EFCAB6: variants seen among roughly 807,000 people sequenced by gnomAD.
EFCAB6 encodes EF-hand calcium-binding domain-containing protein 6.
A neutral mutation model predicts 169.8 loss-of-function variants in EFCAB6; 156 were observed. That is an observed-to-expected ratio of 0.92 (90% confidence interval 0.81 to 1.05). The LOEUF (loss-of-function observed/expected upper bound fraction) is 1.05, where lower values mean the gene tolerates loss of function less well. EFCAB6 is among the 50% of genes least tolerant of loss of function. The probability of loss-of-function intolerance (pLI) is 0.00; values close to 1 mark genes in which losing one functional copy is unlikely to be tolerated. For missense variants in EFCAB6, 1,800 were observed against 1,829.1 expected, an observed-to-expected ratio of 0.98 and a Z score of 0.29; for synonymous variants, 698 against 676.4, an observed-to-expected ratio of 1.03 and a Z score of -0.50.
At chr22:43,620,847 A>G (rs2054067708) in intron 20 of EFCAB6, among the ~76,000 whole-genome samples, 1 of 152,206 alleles carries the variant, frequency 6.6e-6, no homozygotes, top group African/African-American at 2.4e-5. Flanking sequence ...TGAAGAATAT[A>G]GAAGGCCTGA....
chr22:43,538,474 C>T (rs537537809), intron 28 of EFCAB6, among the ~76,000 whole-genome samples: 15 of 152,256 alleles, frequency 9.9e-5, no homozygotes, highest in African/African-American at 1.4e-4. Flanking sequence ...CTGCAACCTC[C>T]GCTTCCCAGG....
chr22:43,620,274 G>T (rs140304567), intron 20 of EFCAB6, among the ~76,000 whole-genome samples: 2 of 151,884 alleles, frequency 1.3e-5, no homozygotes, highest in Admixed American at 6.6e-5. Flanking sequence ...GCACCACCAC[G>T]CTCCAGTCTG....
At chr22:43,778,574 CA>C in intron 3 of EFCAB6, among the ~76,000 whole-genome samples, 1 of 152,106 alleles carries the variant, frequency 6.6e-6, no homozygotes. Context: ...TGAAACCCCC[CA>C]AAATGGCAGG....
At position 43,584,648 on chromosome 22, in the gene EFCAB6, C is replaced by T. The variant is rs75613254; in HGVS notation, c.3033-3989G>A. On this transcript the variant is annotated intron_variant, in intron 24 of 31. Coordinates refer to ENST00000262726, the MANE Select transcript of EFCAB6 (RefSeq NM_022785.4). ...TTAGCTTTAGGGGAAGGGCAATCAG[C>T]CAACTCCAGCCCCATCTAGCATTCC... is the stretch of plus-strand genomic sequence containing the variant. Among the ~76,000 whole-genome samples the T allele has an allele frequency of 2.7e-3, 405 of 152,252 alleles. 2 individuals carry two copies. The highest frequency in any genetic ancestry group is 8.5e-3 in the African/African-American group (355 of 41,534).
intron 20 of EFCAB6, among the ~76,000 whole-genome samples, chr22:43,619,692 A>C (rs1324042071): frequency 1.3e-5 from 2 of 152,224 alleles, no homozygotes; most frequent in African/African-American, 4.8e-5. Context: ...AAATCTCTCA[A>C]ACTGAACAAA....
intron 19 of EFCAB6, among the ~76,000 whole-genome samples, chr22:43,631,157 A>G (rs1166270287): frequency 1.3e-5 from 2 of 150,658 alleles, no homozygotes; most frequent in Non-Finnish European, 2.9e-5. Flanking sequence ...TCCCTTCTGG[A>G]CTTCACCCAT....
At chr22:43,656,529 T>C (rs1000727684) in intron 17 of EFCAB6, among the ~76,000 whole-genome samples, 1 of 152,220 alleles carries the variant, frequency 6.6e-6, no homozygotes, top group Admixed American at 6.5e-5. Flanking sequence ...GTGGACCATA[T>C]ACCACAGTGA....
At position 43,537,665 on chromosome 22, in the gene EFCAB6, A is replaced by G. The variant is rs1458120163; in HGVS notation, c.3880-120T>C. On this transcript the variant is annotated intron_variant, in intron 28 of 31. Coordinates refer to ENST00000262726, the MANE Select transcript of EFCAB6 (RefSeq NM_022785.4). The surrounding 1 kb of genome is among the most constrained non-coding windows in gnomAD (Gnocchi z 4.3). ...TTTTAGAGGCAGAATTAGCCCAGAA[A>G]TAAAATGAAGAATAAAACATAGATG... 1 of 1,181,680 alleles carries G rather than the reference A, an allele frequency of 8.5e-7. No individual in the cohort carries two copies. Among genetic ancestry groups the G allele is most frequent in the African/African-American group, 1.5e-5 (1 of 64,766 alleles). The allele number at this position is 1,181,680 out of a possible 1,614,324, so 73.2% of individuals were successfully genotyped here.
intron 17 of EFCAB6, among the ~76,000 whole-genome samples, chr22:43,653,026 T>A (rs1569321574): frequency 6.6e-6 from 1 of 152,022 alleles, no homozygotes; most frequent in Non-Finnish European, 1.5e-5. Context: ...GGAAGGCAGA[T>A]CAATAGGAAA....
chr22:43,784,601 ACATATATATGTG>A (rs2061979022), intron 2 of EFCAB6, among the ~76,000 whole-genome samples: 3 of 96,820 alleles, frequency 3.1e-5, no homozygotes, highest in African/African-American at 1.3e-4. Context: ...GTATATATAC[ACATATATATGTG>A]TATATATACA....
intron 10 of EFCAB6, among the ~76,000 whole-genome samples, chr22:43,687,975 C>T (rs893892964): frequency 3.9e-5 from 6 of 152,198 alleles, no homozygotes; most frequent in Admixed American, 3.9e-4. Context: ...TACGTTCTTG[C>T]CCCAGCAAAG....
intron 1 of EFCAB6, among the ~76,000 whole-genome samples, chr22:43,810,441 T>C (rs948973916): frequency 2.0e-5 from 3 of 152,190 alleles, no homozygotes; most frequent in South Asian, 2.1e-4. Context: ...TGAAAGGGTA[T>C]CATATTCATG....
At chr22:43,638,665 G>A (rs1227715191) in intron 17 of EFCAB6, among the ~76,000 whole-genome samples, 1 of 152,132 alleles carries the variant, frequency 6.6e-6, no homozygotes, top group Non-Finnish European at 1.5e-5. Context: ...CACTTTTTTG[G>A]TGGTTTCTAT....
intron 8 of EFCAB6, among the ~76,000 whole-genome samples, chr22:43,726,643 C>T (rs906716425): frequency 2.0e-5 from 3 of 152,174 alleles, no homozygotes; most frequent in African/African-American, 7.2e-5. Flanking sequence ...TCAGGCCTCC[C>T]ACAGTGGCCA....
intron 2 of EFCAB6, among the ~76,000 whole-genome samples, chr22:43,786,606 C>T (rs1350785333): frequency 1.3e-5 from 2 of 152,010 alleles, no homozygotes; most frequent in African/African-American, 4.8e-5. Flanking sequence ...CCTGTAGTCC[C>T]AGCTACTCGG....
chr22:43,805,047 A>T (rs1388385005), intron 2 of EFCAB6, among the ~76,000 whole-genome samples: 1 of 152,234 alleles, frequency 6.6e-6, no homozygotes, highest in Non-Finnish European at 1.5e-5. Context: ...AACATTCAAA[A>T]ATTGGTGGCA....
In EFCAB6 at chr22:43,590,197, C is replaced by G. The variant is rs545700426; in HGVS notation, c.2909G>C (p.Ser970Thr). 4.5e-5 allele frequency: 72 copies of G among 1,613,914 alleles called. No homozygotes were observed. The highest frequency in any genetic ancestry group is 5.8e-5 in the Non-Finnish European group (69 of 1,179,976). Residue 970 changes from serine to threonine, a missense_variant, in exon 24 of 32, where the codon AGC (serine) becomes ACC (threonine). Physicochemically the swap from Ser to Thr is moderately conservative, Grantham distance 58. Transcript: ENST00000262726. ...DKLMDRHQDI[S>T]KAFTKTDQSK... is the part of the protein sequence containing the mutation. ...TTGATCAGTTTTGGTGAATGCTTTG[C>G]TGATATCTTGATGGCGGTCCATAAG...
chr22:43,625,860 C>T (rs1372316123), intron 20 of EFCAB6, among the ~76,000 whole-genome samples: 1 of 152,252 alleles, frequency 6.6e-6, no homozygotes, highest in Non-Finnish European at 1.5e-5. Context: ...ACTGTGTTCA[C>T]TTGACAAAGA....
At chr22:43,687,661 G>A in intron 10 of EFCAB6, 80 bp from the exon 11 acceptor site, 1 of 747,794 alleles carries the variant, frequency 1.3e-6, no homozygotes. Flanking sequence ...ACTTAATGTT[G>A]AATTGAAAAT....
Sources: allele counts gnomAD v4.1 joint callset (sites outside exome capture counted in the v4.1 genomes callset), GRCh38; gene constraint gnomAD v4.1.1; non-coding constraint Gnocchi (gnomAD v3.1); transcripts MANE v1.5; gene names NCBI Gene and HGNC (gene_info 2026-07-23, HGNC 2026-07-21).